Variants in SHROOM4 observed in about 807,000 individuals in gnomAD.
The protein encoded by SHROOM4 is protein Shroom4.
A neutral mutation model predicts 80.3 loss-of-function variants in SHROOM4; 17 were observed. The ratio of observed to expected loss-of-function variants is 0.21; its 90% confidence interval spans 0.14 to 0.32. The LOEUF is 0.32. Ranked by LOEUF, SHROOM4 falls within the 10% of genes least tolerant of loss-of-function variation. The pLI is 1.00. For missense variants in SHROOM4, 993 were observed against 1,140.3 expected, an observed-to-expected ratio of 0.87 and a Z score of 1.86; for synonymous variants, 400 against 437.5, an observed-to-expected ratio of 0.91 and a Z score of 1.07.
intron 5 of SHROOM4, among the ~76,000 whole-genome samples, chrX:50,615,461 AC>A (rs1333521215): frequency 9.0e-6 from 1 of 111,107 alleles, no homozygotes; most frequent in African/African-American, 3.3e-5. Context: ...CTGTCCTCTA[AC>A]AGCACCCATT....
intron 1 of SHROOM4, among the ~76,000 whole-genome samples, chrX:50,804,787 T>C (rs1006230654): frequency 8.9e-6 from 1 of 112,134 alleles, no homozygotes; most frequent in African/African-American, 3.2e-5. Context: ...GATCCCACCA[T>C]GTCTAGGCTT....
chrX:50,671,798 T>C (rs1359760705), intron 2 of SHROOM4, among the ~76,000 whole-genome samples: 1 of 113,000 alleles, frequency 8.8e-6, no homozygotes, highest in Non-Finnish European at 1.9e-5. Context: ...GCACTTTTAA[T>C]TTCCTTTAAG....
chrX:50,739,392 G>A (rs1256239289), intron 1 of SHROOM4, among the ~76,000 whole-genome samples: 1 of 111,110 alleles, frequency 9.0e-6, no homozygotes, highest in African/African-American at 3.3e-5. Flanking sequence ...GAGTGAACAG[G>A]CAGCCTACAG....
chrX:50,799,722 T>C (rs1557272403), intron 1 of SHROOM4, among the ~76,000 whole-genome samples: 1 of 111,201 alleles, frequency 9.0e-6, no homozygotes, highest in Non-Finnish European at 1.9e-5. Context: ...ACACACAGAG[T>C]GTGTTCACCC....
At chrX:50,628,389 C>A (rs916804422) in intron 4 of SHROOM4, among the ~76,000 whole-genome samples, 7 of 111,262 alleles carry the variant, frequency 6.3e-5, no homozygotes, top group African/African-American at 2.3e-4. Flanking sequence ...CCATATGTGC[C>A]GTTTGTAAAA....
chrX:50,646,060 A>C (rs1931822125), intron 2 of SHROOM4, among the ~76,000 whole-genome samples: 1 of 112,088 alleles, frequency 8.9e-6, no homozygotes, highest in Non-Finnish European at 1.9e-5. Flanking sequence ...GGAGAAGATG[A>C]GCAGAAAGAG....
At chrX:50,667,137 C>T (rs1391419074) in intron 2 of SHROOM4, among the ~76,000 whole-genome samples, 1 of 111,197 alleles carries the variant, frequency 9.0e-6, no homozygotes, top group Non-Finnish European at 1.9e-5. Flanking sequence ...AAAAAGTCGG[C>T]AGTTCAGAGA....
At position 50,634,492 on chromosome X, in the gene SHROOM4, G is replaced by A. The variant is rs1931235844; in HGVS notation, c.1581C>T (p.Pro527=). The change falls in exon 4 of 9, where the codon CCC becomes CCT. Residue 527 remains proline (P), a synonymous_variant. Coordinates refer to ENST00000376020, the MANE Select transcript of SHROOM4 (RefSeq NM_020717.5). ...GTTGAACAAGGGAGCCAGAGGCAGA[G>A]GGTTGCTGGTTGGCCAATTCACTGG... ...RAASELANQQ[P]SASGSLVQQA... is the part of the protein sequence containing the mutation. The A allele has an allele frequency of 6.6e-6, 8 of 1,211,791 alleles. No individual in the cohort carries two copies. Among genetic ancestry groups the A allele is most frequent in the Non-Finnish European group, 8.9e-6 (8 of 895,560 alleles).
chrX:50,606,938 G>A (rs1217769766), intron 6 of SHROOM4, among the ~76,000 whole-genome samples: 1 of 108,986 alleles, frequency 9.2e-6, no homozygotes, highest in Non-Finnish European at 1.9e-5. Flanking sequence ...AGGTCAGGTT[G>A]TGAGCTGGCC....
chrX:50,619,672 T>A (rs1215582723), intron 5 of SHROOM4, among the ~76,000 whole-genome samples: 1 of 111,994 alleles, frequency 8.9e-6, no homozygotes, highest in East Asian at 2.8e-4. Context: ...GCTTAGCTCC[T>A]TCTCTCCAAT....
chrX:50,782,102 G>A (rs782091502), intron 1 of SHROOM4, among the ~76,000 whole-genome samples: 11 of 110,605 alleles, frequency 9.9e-5, no homozygotes, highest in Non-Finnish European at 1.7e-4. Flanking sequence ...CTAGCTACTT[G>A]GAAGGCTAAG....
intron 1 of SHROOM4, among the ~76,000 whole-genome samples, chrX:50,706,246 A>T (rs1933673300): frequency 9.0e-6 from 1 of 111,594 alleles, no homozygotes; most frequent in South Asian, 3.7e-4. Context: ...CTCTACCCAC[A>T]TCTCATCACT....
rs144754762 is a variant in SHROOM4 at position 50,803,107 on chromosome X, T to C, written c.117+10795A>G. Reference sequence around the variant, plus strand: ...CGGGAGGCTGAGGTAGGAGAATCGCTTGAACCCGGGAGGCGGAGGTTGCAG... The same window carrying C: ...CGGGAGGCTGAGGTAGGAGAATCGCCTGAACCCGGGAGGCGGAGGTTGCAG... On this transcript the variant is annotated intron_variant, in intron 1 of 8. Coordinates refer to ENST00000376020, the MANE Select transcript of SHROOM4 (RefSeq NM_020717.5). 5.6e-3 allele frequency among the ~76,000 whole-genome samples: 633 copies of C among 112,068 alleles called. 4 individuals carry two copies. The highest frequency in any genetic ancestry group is 0.019 in the African/African-American group (590 of 30,859).
chrX:50,775,110 T>G (rs1036902312), intron 1 of SHROOM4, among the ~76,000 whole-genome samples: 7 of 111,698 alleles, frequency 6.3e-5, no homozygotes, highest in African/African-American at 2.3e-4. Flanking sequence ...ATGCTGCTGC[T>G]TTGGATCTGT....
chrX:50,711,379 C>A (rs1260132700), intron 1 of SHROOM4, among the ~76,000 whole-genome samples: 1 of 111,842 alleles, frequency 8.9e-6, no homozygotes, highest in Non-Finnish European at 1.9e-5. Flanking sequence ...AGTTACACAG[C>A]ATGGTTAAAA....
Position 50,792,747 on chromosome X carries a change from G to A in SHROOM4, c.117+21155C>T, listed in dbSNP as rs782001679. Among the ~76,000 whole-genome samples the A allele has an allele frequency of 7.4e-5, 8 of 107,940 alleles. No individual in the cohort carries two copies. In the East Asian group the frequency reaches 2.3e-3, roughly 31 times the overall value. 93.7% of individuals were successfully genotyped at this position (107,940 alleles called of 115,157 possible). On this transcript the variant is annotated intron_variant, in intron 1 of 8. Coordinates refer to ENST00000376020, the MANE Select transcript of SHROOM4 (RefSeq NM_020717.5). ...ATCACTAATCATTAAGGAAATGCAA[G>A]TCAAAACCACAATGAGATATCACCT...
At chrX:50,657,817 C>T (rs781795020) in intron 2 of SHROOM4, among the ~76,000 whole-genome samples, 1 of 111,323 alleles carries the variant, frequency 9.0e-6, no homozygotes, top group African/African-American at 3.3e-5. Context: ...TCAACTTTTA[C>T]AAAACCAAAC....
intron 1 of SHROOM4, among the ~76,000 whole-genome samples, chrX:50,771,452 A>G (rs983444222): frequency 1.8e-5 from 2 of 112,347 alleles, no homozygotes; most frequent in Non-Finnish European, 3.8e-5. Context: ...GGAAATGTAG[A>G]TCCATTAGAA....
chrX:50,675,106 T>C (rs1347473594), intron 2 of SHROOM4, among the ~76,000 whole-genome samples: 1 of 111,760 alleles, frequency 8.9e-6, no homozygotes, highest in Non-Finnish European at 1.9e-5. Context: ...GGAGGCTAAA[T>C]GTATGAGATT....
Sources: allele counts gnomAD v4.1 joint callset (sites outside exome capture counted in the v4.1 genomes callset), GRCh38; gene constraint gnomAD v4.1.1; transcripts MANE v1.5; gene names NCBI Gene and HGNC (gene_info 2026-07-23, HGNC 2026-07-21).